NAA60: variants seen among roughly 807,000 people sequenced by gnomAD.
The protein encoded by NAA60 is N-alpha-acetyltransferase 60, NatF catalytic subunit, also known as N-alpha-acetyltransferase 60.
Under a neutral mutation model 26.1 loss-of-function variants are expected in NAA60, and 8 were observed. That is an observed-to-expected ratio of 0.31 (90% CI 0.18 to 0.55). The LOEUF is 0.55. Ranked by LOEUF, NAA60 falls within the 20% of genes least tolerant of loss-of-function variation. The pLI, the probability that NAA60 is intolerant of heterozygous loss-of-function variation, is 0.93. For missense variants in NAA60, 290 were observed against 311.3 expected (o/e 0.93, Z 0.51); for synonymous variants, 131 against 122.5 (o/e 1.07, Z -0.46).
At position 3,479,451 on chromosome 16, in the gene NAA60, GA is replaced by G; in HGVS notation, c.111-19del. ...GACTTGACCTGTGGCAGGTTCACCT[GA>G]GTATGTTCTGTTTCTCAGGTACCCA... On this transcript the variant is annotated intron_variant, in intron 3 of 7. Coordinates refer to ENST00000407558, the MANE Select transcript of NAA60 (RefSeq NM_001083601.3). 6.2e-7 allele frequency: 1 copy of G among 1,612,846 alleles called. No homozygotes were observed. The highest frequency in any genetic ancestry group is 1.1e-5 in the South Asian group (1 of 90,908).
chr16:3,484,028 G>A (rs77534894), intron 6 of NAA60, among the ~76,000 whole-genome samples: 7,046 of 152,152 alleles, frequency 0.046, 234 homozygotes, highest in Non-Finnish European at 0.071. Context: ...TTGAATACTT[G>A]GGTTCAAACC....
chr16:3,482,837 C>T (rs1287347914), intron 5 of NAA60: 3 of 570,040 alleles, frequency 5.3e-6, no homozygotes, highest in Non-Finnish European at 3.2e-6. Flanking sequence ...CTTTCTGCTG[C>T]AGCCTCGCTC....
chr16:3,469,162 G>A lies in NAA60; in HGVS notation c.-6-7060G>A, dbSNP rs535115645. Among the ~76,000 whole-genome samples the A allele has an allele frequency of 1.5e-3, 233 of 152,214 alleles. 1 individual carries two copies. The highest frequency in any genetic ancestry group is 5.0e-3 in the African/African-American group (206 of 41,530). ...TCCCTGCTTGTTGTAGTAGAGATGC[G>A]TCCTGTGCCTTTTTAGGAACATGTT... On this transcript the variant is annotated intron_variant, in intron 2 of 7. Transcript: ENST00000407558.
Position 3,485,545 on chromosome 16 carries a change from C to T in NAA60, c.*285C>T, listed in dbSNP as rs894059474. ...TGCCCCCCTGCGCATGCACCGTCCC[C>T]AGGGCTGACCCAGTGTGGCTGCATT... On this transcript the variant is annotated 3_prime_UTR_variant, in exon 8 of 8. Coordinates refer to ENST00000407558, the MANE Select transcript of NAA60 (RefSeq NM_001083601.3). 2.2e-6 allele frequency: 1 copy of T among 455,020 alleles called. No individual in the cohort carries two copies. The highest frequency in any genetic ancestry group is 4.4e-6 in the Non-Finnish European group (1 of 225,948). 28.2% of individuals were successfully genotyped at this position (455,020 alleles called of 1,614,324 possible).
chr16:3,482,579 G>C lies in NAA60; in HGVS notation c.318G>C (p.Glu106Asp), dbSNP rs746656241. The C allele has an allele frequency of 1.2e-6, 2 of 1,607,056 alleles. No individual in the cohort carries two copies. The highest frequency in any genetic ancestry group is 1.7e-5 in the Admixed American group (1 of 59,162). Residue 106 changes from glutamate (E) to aspartate (D), a missense_variant, in exon 5 of 8, where the codon GAG becomes GAC. Transcript: ENST00000407558. ...AYILSLGVVK[E>D]FRKHGIGSLL... Reference sequence around the variant, plus strand: ...TCCTAAGTCTGGGCGTCGTGAAAGAGTTCAGGAAGCACGGCATAGGTAAGG... The same window carrying C: ...TCCTAAGTCTGGGCGTCGTGAAAGACTTCAGGAAGCACGGCATAGGTAAGG...
chr16:3,482,701 T>G, intron 5 of NAA60, 103 bp downstream of exon 5: 1 of 802,792 alleles, frequency 1.2e-6, no homozygotes, highest in Non-Finnish European at 2.0e-6. Context: ...CCAACAACTC[T>G]GGCTCGTGAA....
intron 2 of NAA60, among the ~76,000 whole-genome samples, chr16:3,461,918 T>A (rs73489612): frequency 0.019 from 2,876 of 151,856 alleles, 91 homozygotes; most frequent in African/African-American, 0.066. Flanking sequence ...CAAAACTCCA[T>A]CTCTAAAAAA....
At chr16:3,448,372 T>C in intron 1 of NAA60, 99 bp from the exon 2 acceptor site, 1 of 918,372 alleles carries the variant, frequency 1.1e-6, no homozygotes, top group Non-Finnish European at 1.6e-6. Context: ...AGATTGATAC[T>C]CTGAGATCCA....
chr16:3,476,966 A>G (rs1314811519), intron 3 of NAA60, among the ~76,000 whole-genome samples: 2 of 152,060 alleles, frequency 1.3e-5, no homozygotes, highest in Non-Finnish European at 2.9e-5. Flanking sequence ...ACTTGAACCC[A>G]GGCGGTGGAG....
At chr16:3,457,842 G>A (rs1029151285) in intron 2 of NAA60, 1 of 412,492 alleles carries the variant, frequency 2.4e-6, no homozygotes, top group Non-Finnish European at 3.3e-6. Context: ...CGAGGGACAG[G>A]GAAGGAGCCG....
At chr16:3,485,338 C>T (rs1394715683) in intron 7 of NAA60, 129 bp from the exon 8 acceptor site, 1 of 491,042 alleles carries the variant, frequency 2.0e-6, no homozygotes, top group Non-Finnish European at 4.0e-6. Context: ...AGGCAGACAC[C>T]ATGGCCTGGA....
At chr16:3,450,267 G>A in intron 2 of NAA60, 2 of 302,784 alleles carry the variant, frequency 6.6e-6, no homozygotes, top group Non-Finnish European at 1.2e-5. Flanking sequence ...CAGAGCAGAG[G>A]CTGGTCAGCA....
intron 2 of NAA60, among the ~76,000 whole-genome samples, chr16:3,453,555 C>T (rs754577433): frequency 4.6e-5 from 7 of 152,010 alleles, no homozygotes; most frequent in African/African-American, 1.2e-4. Flanking sequence ...ATTACAGGCA[C>T]GCACCACCAC....
chr16:3,479,434 C>G, intron 3 of NAA60, 37 bp from the exon 4 acceptor site: 2 of 1,608,252 alleles, frequency 1.2e-6, no homozygotes, highest in South Asian at 1.1e-5. Flanking sequence ...TGGACTTGAC[C>G]TGTGGCAGGT....
chr16:3,448,082 T>C (rs2034625513), intron 1 of NAA60, among the ~76,000 whole-genome samples: 2 of 152,022 alleles, frequency 1.3e-5, no homozygotes, highest in African/African-American at 4.8e-5. Flanking sequence ...GTACAGAGAA[T>C]GCAGGTTAGA....
Position 3,482,839 on chromosome 16 carries a change from G to A in NAA60, c.337+241G>A, listed in dbSNP as rs558282030. 3 of 569,742 alleles carry A rather than the reference G, an allele frequency of 5.3e-6. No homozygotes were observed. In the African/African-American group the frequency reaches 5.6e-5, roughly 11 times the overall value. The allele number at this position is 569,742 out of a possible 1,614,324, so 35.3% of individuals were successfully genotyped here. A position where few individuals can be genotyped will look rare whatever the true frequency, so the allele number is the denominator to read the frequency against. On this transcript the variant is annotated intron_variant, in intron 5 of 7. Coordinates refer to ENST00000407558, the MANE Select transcript of NAA60 (RefSeq NM_001083601.3). ...CATGCCCCCAGGCCTTTCTGCTGCA[G>A]CCTCGCTCAGCCCCCAGGATGGAGC...
At chr16:3,477,186 A>C (rs1388409334) in intron 3 of NAA60, among the ~76,000 whole-genome samples, 2 of 152,214 alleles carry the variant, frequency 1.3e-5, no homozygotes, top group Non-Finnish European at 2.9e-5. Context: ...AAAATTTTAC[A>C]AGGGGGTATG....
intron 1 of NAA60, chr16:3,447,700 A>G: frequency 1.1e-6 from 1 of 916,784 alleles, no homozygotes; most frequent in Non-Finnish European, 1.3e-6. Context: ...AGCAGTTAGA[A>G]AACTGTTGCT....
At chr16:3,448,718 A>G in intron 2 of NAA60, 178 bp downstream of exon 2, 1 of 571,720 alleles carries the variant, frequency 1.7e-6, no homozygotes, top group South Asian at 2.1e-5. Context: ...AGGAGGGTAA[A>G]TGAGTATATT....
Sources: allele counts gnomAD v4.1 joint callset (sites outside exome capture counted in the v4.1 genomes callset), GRCh38; gene constraint gnomAD v4.1.1; transcripts MANE v1.5; gene names NCBI Gene and HGNC (gene_info 2026-07-23, HGNC 2026-07-21).